The following WDR7 variants were observed in gnomAD, a reference collection of about 807,000 sequenced individuals.
WDR7 encodes WD repeat-containing protein 7.
WDR7 carries 46 observed loss-of-function variants against 169.4 expected under a neutral mutation model. The ratio of observed to expected loss-of-function variants is 0.27; its 90% CI spans 0.21 to 0.35. The LOEUF is 0.35. WDR7 is among the 10% of genes least tolerant of loss of function. WDR7 has a pLI of 1.00. For synonymous variants in WDR7, 612 were observed against 666.8 expected, an observed-to-expected ratio of 0.92 and a Z score of 1.27; for missense variants, 1,534 against 1,859.3, an observed-to-expected ratio of 0.83 and a Z score of 3.22.
intron 21 of WDR7, among the ~76,000 whole-genome samples, chr18:56,899,486 CTTATA>C (rs1228271297): frequency 6.6e-6 from 1 of 151,928 alleles, no homozygotes; most frequent in Non-Finnish European, 1.5e-5. Flanking sequence ...TTTAAAAATT[CTTATA>C]TTAAAGACAC....
intron 2 of WDR7, among the ~76,000 whole-genome samples, chr18:56,674,773 GT>G (rs1284797772): frequency 6.6e-6 from 1 of 152,010 alleles, no homozygotes; most frequent in East Asian, 1.9e-4. Context: ...TTATCCCTGT[GT>G]TTTTTTCCTA....
At chr18:56,870,573 A>T (rs564682365) in intron 20 of WDR7, among the ~76,000 whole-genome samples, 1 of 152,348 alleles carries the variant, frequency 6.6e-6, no homozygotes, top group Non-Finnish European at 1.5e-5. Flanking sequence ...GAATTAACAT[A>T]TTTGATTACC....
intron 25 of WDR7, among the ~76,000 whole-genome samples, chr18:56,955,957 C>T (rs2047244968): frequency 2.0e-5 from 3 of 152,094 alleles, no homozygotes; most frequent in Admixed American, 1.3e-4. Flanking sequence ...TGCTATTTTT[C>T]CTTGCAGGAT....
chr18:56,653,826 A>C (rs1382470842), intron 1 of WDR7, among the ~76,000 whole-genome samples: 4 of 152,168 alleles, frequency 2.6e-5, no homozygotes, highest in Non-Finnish European at 5.9e-5. Flanking sequence ...ACCTCTACAG[A>C]TAATACTATG....
At chr18:56,844,718 A>G (rs943956733) in intron 20 of WDR7, among the ~76,000 whole-genome samples, 1 of 152,252 alleles carries the variant, frequency 6.6e-6, no homozygotes, top group Admixed American at 6.5e-5. Flanking sequence ...TGAATGATTT[A>G]TCAGAGGGGA....
At chr18:56,837,900 G>A (rs1481331810) in intron 20 of WDR7, among the ~76,000 whole-genome samples, 2 of 152,058 alleles carry the variant, frequency 1.3e-5, no homozygotes, top group Non-Finnish European at 2.9e-5. Context: ...CTTCAGGTGA[G>A]CCACCGTGCC....
intron 19 of WDR7, among the ~76,000 whole-genome samples, chr18:56,794,008 T>C (rs1321860038): frequency 1.3e-5 from 2 of 152,178 alleles, no homozygotes; most frequent in Non-Finnish European, 2.9e-5. Flanking sequence ...TAGGATGATT[T>C]GTTAAATGAT....
At chr18:56,786,542 C>A (rs1436565924) in intron 19 of WDR7, among the ~76,000 whole-genome samples, 10 of 150,188 alleles carry the variant, frequency 6.7e-5, no homozygotes, top group African/African-American at 2.0e-4. Context: ...AAAAAAAAAA[C>A]AAAACAAAGA....
At chr18:56,826,525 T>C (rs562636085) in intron 20 of WDR7, among the ~76,000 whole-genome samples, 39 of 152,346 alleles carry the variant, frequency 2.6e-4, no homozygotes, top group African/African-American at 8.9e-4. Context: ...GCTTTTGCTC[T>C]TAATTTGAAG....
chr18:56,877,799 G>A (rs1453021976), intron 20 of WDR7, among the ~76,000 whole-genome samples: 1 of 152,040 alleles, frequency 6.6e-6, no homozygotes, highest in Non-Finnish European at 1.5e-5. Flanking sequence ...ATTTGATAAG[G>A]TCAGAATTGT....
At chr18:56,686,137 G>A in intron 6 of WDR7, 105 bp downstream of exon 6, 1 of 965,560 alleles carries the variant, frequency 1.0e-6, no homozygotes, top group Non-Finnish European at 1.5e-6. Context: ...GAAGGAAAAA[G>A]TGATTATTTT....
intron 20 of WDR7, among the ~76,000 whole-genome samples, chr18:56,826,045 T>TG (rs2045196933): frequency 6.6e-6 from 1 of 152,160 alleles, no homozygotes; most frequent in Non-Finnish European, 1.5e-5. Context: ...ATGTAGATGC[T>TG]GCATTGGGGT....
At chr18:56,854,280 C>T (rs2045684516) in intron 20 of WDR7, among the ~76,000 whole-genome samples, 1 of 152,234 alleles carries the variant, frequency 6.6e-6, no homozygotes, top group African/African-American at 2.4e-5. Context: ...ATGACCTCCT[C>T]CTCTTCGAGT....
intron 20 of WDR7, among the ~76,000 whole-genome samples, chr18:56,839,551 C>T (rs2045448646): frequency 6.6e-6 from 1 of 152,140 alleles, no homozygotes; most frequent in Non-Finnish European, 1.5e-5. Flanking sequence ...TGAATTGACA[C>T]AAACTCTATA....
At chr18:56,910,191 G>A (rs1334020200) in intron 21 of WDR7, among the ~76,000 whole-genome samples, 1 of 152,186 alleles carries the variant, frequency 6.6e-6, no homozygotes, top group African/African-American at 2.4e-5. Flanking sequence ...GTGAACAGGA[G>A]TGTAGTGTTA....
In WDR7 at chr18:57,017,350, CTG is replaced by C. The variant is rs1466871348; in HGVS notation, c.4165-3392_4165-3391del. 2.6e-5 allele frequency among the ~76,000 whole-genome samples: 4 copies of C among 152,262 alleles called. No individual in the cohort carries two copies. In the East Asian group the frequency reaches 5.8e-4, roughly 22 times the overall value. On this transcript the variant is annotated intron_variant, in intron 26 of 27. Transcript: ENST00000254442. ...CTGTCTGTCAGCTGCAGTCAGCACTCTGTGGTTTTTCTTTAGGTTGCTTTAAA... is the reference window on the plus strand; with the variant it reads ...CTGTCTGTCAGCTGCAGTCAGCACTCTGGTTTTTCTTTAGGTTGCTTTAAA...
At chr18:56,913,815 C>A (rs912887927) in intron 21 of WDR7, among the ~76,000 whole-genome samples, 5 of 48,340 alleles carry the variant, frequency 1.0e-4, no homozygotes, top group Admixed American at 5.1e-4. Context: ...AATAAAAAAT[C>A]CAGAATTCAG....
At chr18:57,020,676 C>A in intron 26 of WDR7, 69 bp from the exon 27 acceptor site, 1 of 1,381,298 alleles carries the variant, frequency 7.2e-7, no homozygotes, top group South Asian at 1.2e-5. Context: ...ACATTGAATG[C>A]ATTTGTGTGT....
intron 16 of WDR7, among the ~76,000 whole-genome samples, chr18:56,770,146 G>A (rs937951207): frequency 6.6e-6 from 1 of 152,192 alleles, no homozygotes; most frequent in African/African-American, 2.4e-5. Flanking sequence ...GGCTGTAAGG[G>A]CTGACAAATC....
Sources: allele counts gnomAD v4.1 joint callset (sites outside exome capture counted in the v4.1 genomes callset), GRCh38; gene constraint gnomAD v4.1.1; transcripts MANE v1.5; gene names NCBI Gene and HGNC (gene_info 2026-07-23, HGNC 2026-07-21).